Variants in GLI2 observed in about 807,000 individuals in gnomAD.
The protein encoded by GLI2 is GLI family zinc finger 2.
A neutral mutation model predicts 78.9 loss-of-function variants in GLI2; 22 were observed. The ratio of observed to expected loss-of-function variants is 0.28; its 90% CI spans 0.20 to 0.40. The LOEUF is 0.40. Among genes scored for constraint, GLI2 ranks in the 10% least tolerant of loss-of-function variants. The probability of loss-of-function intolerance (pLI) is 1.00; values close to 1 mark genes in which losing one functional copy is unlikely to be tolerated. For missense variants in GLI2, 2,097 were observed against 2,213.2 expected (o/e 0.95, Z 1.05); for synonymous variants, 974 against 963.7 (o/e 1.01, Z -0.20).
At chr2:120,856,987 C>T (rs753613046) in intron 2 of GLI2, among the ~76,000 whole-genome samples, 1 of 151,996 alleles carries the variant, frequency 6.6e-6, no homozygotes, top group Non-Finnish European at 1.5e-5. Context: ...AGGTGTGGGC[C>T]GGGGCTTATG....
chr2:120,742,838 A>T (rs745753065), intron 1 of GLI2, among the ~76,000 whole-genome samples: 4 of 152,258 alleles, frequency 2.6e-5, no homozygotes, highest in Non-Finnish European at 4.4e-5. Context: ...ATCATGAATT[A>T]ATGTTATGCA....
intron 1 of GLI2, among the ~76,000 whole-genome samples, chr2:120,789,094 C>A (rs546383991): frequency 1.4e-5 from 2 of 147,918 alleles, no homozygotes; most frequent in African/African-American, 5.1e-5. Context: ...TGTAGCGACA[C>A]GATCTCTGCT....
chr2:120,928,831 T>G (rs1679814936), intron 3 of GLI2, among the ~76,000 whole-genome samples: 1 of 152,240 alleles, frequency 6.6e-6, no homozygotes, highest in African/African-American at 2.4e-5. Context: ...AAGGCTTTCT[T>G]GTATATGCTT....
intron 3 of GLI2, among the ~76,000 whole-genome samples, chr2:120,937,550 G>A (rs971146603): frequency 2.0e-5 from 3 of 152,114 alleles, no homozygotes; most frequent in Admixed American, 6.5e-5. Context: ...GCTTATCAGC[G>A]GGGACGCATG....
intron 1 of GLI2, among the ~76,000 whole-genome samples, chr2:120,773,279 G>A (rs901726315): frequency 3.9e-5 from 6 of 152,136 alleles, no homozygotes; most frequent in Non-Finnish European, 2.9e-5. Context: ...TGTAGCATCC[G>A]GGCCCGGGTA....
intron 3 of GLI2, among the ~76,000 whole-genome samples, chr2:120,935,123 CG>C (rs1243958620): frequency 6.6e-6 from 1 of 152,204 alleles, no homozygotes; most frequent in Admixed American, 6.5e-5. Flanking sequence ...CAAACATGCT[CG>C]TTTCTTTTCA....
intron 1 of GLI2, among the ~76,000 whole-genome samples, chr2:120,777,070 A>G (rs1286678663): frequency 1.3e-5 from 2 of 152,290 alleles, no homozygotes; most frequent in East Asian, 1.9e-4. Context: ...GTGTGAGTGC[A>G]TGGCTTTTTG....
chr2:120,847,247 G>T (rs187741724), intron 2 of GLI2, among the ~76,000 whole-genome samples: 1 of 152,116 alleles, frequency 6.6e-6, no homozygotes, highest in East Asian at 1.9e-4. Flanking sequence ...GTCATCCTGG[G>T]ATGGGCCCAA....
At chr2:120,937,004 A>G (rs1210082548) in intron 3 of GLI2, among the ~76,000 whole-genome samples, 1 of 152,182 alleles carries the variant, frequency 6.6e-6, no homozygotes, top group Non-Finnish European at 1.5e-5. Context: ...GTGCCCGTCA[A>G]AAAGTACGCT....
At chr2:120,843,784 A>G (rs1261408316) in intron 2 of GLI2, among the ~76,000 whole-genome samples, 1 of 152,142 alleles carries the variant, frequency 6.6e-6, no homozygotes, top group Non-Finnish European at 1.5e-5. Context: ...ATCCTGTCTC[A>G]GTCTCCCAAG....
At chr2:120,873,976 C>T (rs541160311) in intron 2 of GLI2, among the ~76,000 whole-genome samples, 8 of 152,302 alleles carry the variant, frequency 5.3e-5, no homozygotes, top group African/African-American at 1.9e-4. Flanking sequence ...GGAACCTGCT[C>T]CAGGGATAAT....
At chr2:120,826,754 G>C (rs773182951) in intron 2 of GLI2, among the ~76,000 whole-genome samples, 9 of 152,306 alleles carry the variant, frequency 5.9e-5, no homozygotes, top group Non-Finnish European at 1.3e-4. Flanking sequence ...TTGACCCCAG[G>C]CCTTTCGGGA....
intron 5 of GLI2, among the ~76,000 whole-genome samples, chr2:120,960,070 C>T (rs1376547293): frequency 6.6e-6 from 1 of 152,216 alleles, no homozygotes; most frequent in Non-Finnish European, 1.5e-5. Flanking sequence ...TGCACACACG[C>T]TGGTTGATTC....
intron 2 of GLI2, among the ~76,000 whole-genome samples, chr2:120,851,409 C>T (rs1037824067): frequency 5.3e-5 from 8 of 152,220 alleles, no homozygotes; most frequent in Non-Finnish European, 1.0e-4. Flanking sequence ...CCCGTGGGCC[C>T]CCAGGGCCAG....
chr2:120,954,472 T>C (rs892071070), intron 4 of GLI2, among the ~76,000 whole-genome samples: 3 of 152,126 alleles, frequency 2.0e-5, no homozygotes, highest in East Asian at 1.9e-4. Context: ...GCCAAGTGCA[T>C]AAGAGAGCTC....
chr2:120,970,291 T>C, intron 6 of GLI2, 102 bp from the exon 7 acceptor site: 1 of 698,690 alleles, frequency 1.4e-6, no homozygotes, highest in South Asian at 1.6e-5. Context: ...AGCAACATGC[T>C]CATCCCTATC....
At chr2:120,822,491 C>T (rs781020856) in intron 2 of GLI2, among the ~76,000 whole-genome samples, 1 of 152,184 alleles carries the variant, frequency 6.6e-6, no homozygotes, top group Non-Finnish European at 1.5e-5. Flanking sequence ...GGTGCTGTCC[C>T]CATTCCACCC....
At chr2:120,838,853 G>A (rs993030151) in intron 2 of GLI2, among the ~76,000 whole-genome samples, 2 of 152,170 alleles carry the variant, frequency 1.3e-5, no homozygotes, top group African/African-American at 4.8e-5. Flanking sequence ...ATAGGTTCCA[G>A]GAAGAACCTA....
chr2:120,829,984 T>A (rs1686278594), intron 2 of GLI2, among the ~76,000 whole-genome samples: 1 of 152,186 alleles, frequency 6.6e-6, no homozygotes, highest in Non-Finnish European at 1.5e-5. Context: ...TGTGTATATA[T>A]GTGCACGTGT....
Sources: gnomAD v4.1 joint callset for allele counts (sites outside exome capture counted in the v4.1 genomes callset) on GRCh38, gnomAD v4.1.1 for gene constraint, MANE v1.5 for transcripts, NCBI Gene and HGNC (gene_info 2026-07-23, HGNC 2026-07-21) for gene names.